Variants in ST6GALNAC5 observed in about 807,000 individuals in gnomAD.
ST6GALNAC5 encodes the protein ST6 N-acetylgalactosaminide alpha-2,6-sialyltransferase 5.
Under a neutral mutation model 33.6 loss-of-function variants are expected in ST6GALNAC5, and 27 were observed. The ratio of observed to expected loss-of-function variants is 0.80; its 90% CI spans 0.59 to 1.11. The LOEUF is 1.11. Among genes scored for constraint, ST6GALNAC5 ranks in the 50% least tolerant of loss-of-function variants. The probability of loss-of-function intolerance (pLI) is 0.00; values close to 1 mark genes in which losing one functional copy is unlikely to be tolerated. For missense variants in ST6GALNAC5, 428 were observed against 454.0 expected, an observed-to-expected ratio of 0.94 and a Z score of 0.52; for synonymous variants, 194 against 171.2, an observed-to-expected ratio of 1.13 and a Z score of -1.04.
chr1:76,962,356 AAGCC>A (rs796371699), intron 2 of ST6GALNAC5, among the ~76,000 whole-genome samples: 24 of 152,352 alleles, frequency 1.6e-4, no homozygotes, highest in African/African-American at 4.6e-4. Context: ...ATTAAATGTC[AAGCC>A]ACTCACAGAA....
chr1:77,021,502 G>A (rs1047447084), intron 2 of ST6GALNAC5, among the ~76,000 whole-genome samples: 2 of 152,130 alleles, frequency 1.3e-5, no homozygotes, highest in Non-Finnish European at 2.9e-5. Context: ...TTGATGACTT[G>A]ATGTGATATG....
At chr1:76,948,395 G>C (rs547738448) in intron 2 of ST6GALNAC5, among the ~76,000 whole-genome samples, 36 of 152,226 alleles carry the variant, frequency 2.4e-4, no homozygotes, top group Admixed American at 3.9e-4. Flanking sequence ...GCTGTGCTGT[G>C]GGCCCTCTGA....
At chr1:76,913,375 G>C (rs1646934018) in intron 2 of ST6GALNAC5, among the ~76,000 whole-genome samples, 1 of 151,022 alleles carries the variant, frequency 6.6e-6, no homozygotes, top group Admixed American at 6.6e-5. Flanking sequence ...TTCAACTTTG[G>C]TGAATCTGAC....
intron 2 of ST6GALNAC5, among the ~76,000 whole-genome samples, chr1:77,037,498 C>T (rs148970491): frequency 6.6e-6 from 1 of 152,220 alleles, no homozygotes; most frequent in East Asian, 1.9e-4. Context: ...CTCAGTATCA[C>T]ACATTATACC....
At chr1:76,937,938 G>T (rs1252592) in intron 2 of ST6GALNAC5, among the ~76,000 whole-genome samples, 1 of 151,740 alleles carries the variant, frequency 6.6e-6, no homozygotes, top group Non-Finnish European at 1.5e-5. Flanking sequence ...TTTCACACAC[G>T]TATGTTTCCT....
In ST6GALNAC5 at chr1:76,868,635, G is replaced by C; in HGVS notation, c.154G>C (p.Ala52Pro). 1 of 1,607,692 alleles carries C rather than the reference G, an allele frequency of 6.2e-7. No individual in the cohort carries two copies. Among genetic ancestry groups the C allele is most frequent in the Non-Finnish European group, 8.5e-7 (1 of 1,177,124 alleles). ...QQQQQQQQAS[A>P]TGSSQPAAES... ...GCAGCAACAGCAGCAGCAGGCGTCG[G>C]CCACCGGCAGCTCGCAGCCGGCGGC... The change falls in exon 2 of 5, where the codon GCC (alanine) becomes CCC (proline). Residue 52 changes from alanine to proline, a missense_variant. Ala to Pro is a conservative substitution (Grantham distance 27, BLOSUM62 -1). Coordinates refer to ENST00000477717, the MANE Select transcript of ST6GALNAC5 (RefSeq NM_030965.3). This position sits in a 1 kb window ranked among gnomAD's most constrained non-coding sequence, Gnocchi z 4.3.
intron 2 of ST6GALNAC5, among the ~76,000 whole-genome samples, chr1:76,874,541 C>T (rs1313904292): frequency 6.6e-6 from 1 of 152,156 alleles, no homozygotes; most frequent in Non-Finnish European, 1.5e-5. Context: ...AGTCTCAAAA[C>T]TGTAGAATTT....
intron 2 of ST6GALNAC5, among the ~76,000 whole-genome samples, chr1:76,919,478 T>C (rs1213964449): frequency 6.6e-6 from 1 of 152,186 alleles, no homozygotes; most frequent in East Asian, 1.9e-4. Flanking sequence ...AGGCATGTTC[T>C]TTTCCCAAAA....
At chr1:76,966,508 T>C (rs528916146) in intron 2 of ST6GALNAC5, among the ~76,000 whole-genome samples, 83 of 152,338 alleles carry the variant, frequency 5.4e-4, no homozygotes, top group African/African-American at 1.9e-3. Flanking sequence ...GCTGAGACGA[T>C]GGGGTTTTCT....
chr1:77,063,057 C>T lies in ST6GALNAC5; in HGVS notation c.862C>T (p.Arg288Ter), dbSNP rs1387761349. The change falls in exon 5 of 5, where the codon CGA becomes TGA. Residue 288 changes from arginine (R) to a stop codon, truncating the protein, a stop_gained. Transcript: ENST00000477717. LOFTEE classifies it high-confidence loss of function. ...ATGTACAATGTACCTCTCCCATGAG[C>T]GAGGACGCAAGGGCAGTCATCACCG... Reference protein sequence around the residue: ...DECTMYLSHERGRKGSHHRFI... With the variant: ...DECTMYLSHE 2.5e-6 allele frequency: 4 copies of T among 1,613,782 alleles called. No homozygotes were observed. The highest frequency in any genetic ancestry group is 2.2e-5 in the East Asian group (1 of 44,882).
At chr1:77,051,424 G>T (rs1652214487) in intron 4 of ST6GALNAC5, among the ~76,000 whole-genome samples, 1 of 152,204 alleles carries the variant, frequency 6.6e-6, no homozygotes, top group Non-Finnish European at 1.5e-5. Context: ...GGTCAAAAAT[G>T]CTGGGGCTAG....
chr1:76,887,392 G>A (rs1187995736), intron 2 of ST6GALNAC5, among the ~76,000 whole-genome samples: 1 of 152,094 alleles, frequency 6.6e-6, no homozygotes, highest in Non-Finnish European at 1.5e-5. Context: ...AGAAGTCTAA[G>A]TCTGTTTTTG....
At chr1:76,878,348 A>G (rs185991685) in intron 2 of ST6GALNAC5, among the ~76,000 whole-genome samples, 3 of 152,232 alleles carry the variant, frequency 2.0e-5, no homozygotes, top group Non-Finnish European at 4.4e-5. Flanking sequence ...TGTCTACAGG[A>G]TGAGTCTGGG....
intron 2 of ST6GALNAC5, among the ~76,000 whole-genome samples, chr1:76,947,629 C>A (rs1282707514): frequency 1.3e-5 from 2 of 152,056 alleles, no homozygotes; most frequent in Non-Finnish European, 2.9e-5. Flanking sequence ...CCCAGCTACT[C>A]AGGATGCTGA....
At chr1:76,977,475 T>G (rs941622797) in intron 2 of ST6GALNAC5, among the ~76,000 whole-genome samples, 4 of 152,176 alleles carry the variant, frequency 2.6e-5, no homozygotes, top group African/African-American at 9.6e-5. Flanking sequence ...TGCTATCCCC[T>G]ACACCTACCT....
chr1:76,970,343 G>A (rs1168877160), intron 2 of ST6GALNAC5, among the ~76,000 whole-genome samples: 3 of 151,892 alleles, frequency 2.0e-5, no homozygotes, highest in Admixed American at 6.6e-5. Context: ...CGAATAAACA[G>A]TGTAGAGAAG....
At chr1:76,996,596 G>A (rs753470869) in intron 2 of ST6GALNAC5, among the ~76,000 whole-genome samples, 21 of 152,254 alleles carry the variant, frequency 1.4e-4, no homozygotes, top group South Asian at 8.3e-4. Flanking sequence ...GCTCAAGTTC[G>A]AAACAAGATT....
intron 2 of ST6GALNAC5, among the ~76,000 whole-genome samples, chr1:76,996,347 A>G (rs1306876422): frequency 6.6e-6 from 1 of 152,246 alleles, no homozygotes; most frequent in African/African-American, 2.4e-5. Flanking sequence ...TTAAGTGCCT[A>G]CTATGCGCCA....
At chr1:76,977,018 C>T (rs776745226) in intron 2 of ST6GALNAC5, among the ~76,000 whole-genome samples, 7 of 152,170 alleles carry the variant, frequency 4.6e-5, no homozygotes, top group African/African-American at 7.2e-5. Flanking sequence ...GTGATCCCAA[C>T]ATTGCTGGCC....
Sources: allele counts gnomAD v4.1 joint callset (sites outside exome capture counted in the v4.1 genomes callset), GRCh38; gene constraint gnomAD v4.1.1; non-coding constraint Gnocchi (gnomAD v3.1); transcripts MANE v1.5; gene names NCBI Gene and HGNC (gene_info 2026-07-23, HGNC 2026-07-21).